BCAS3: variants seen among roughly 807,000 people sequenced by gnomAD.
BCAS3 encodes BCAS4/BCAS3 fusion.
BCAS3 carries 53 observed loss-of-function variants against 116.1 expected under a neutral mutation model. The observed-to-expected ratio is 0.46, with a 90% CI of 0.37 to 0.57. BCAS3 has a LOEUF of 0.57. BCAS3 is among the 20% of genes least tolerant of loss of function. The pLI, the probability that BCAS3 is intolerant of heterozygous loss-of-function variation, is 0.00. For missense variants in BCAS3, 917 were observed against 1,165.4 expected (o/e 0.79, Z 3.10); for synonymous variants, 391 against 408.2 (o/e 0.96, Z 0.51).
chr17:60,690,750 G>A (rs972062753), intron 4 of BCAS3, among the ~76,000 whole-genome samples: 6 of 151,508 alleles, frequency 4.0e-5, no homozygotes, highest in Admixed American at 2.6e-4. Context: ...GTGAAACCTC[G>A]TCTCTACTAA....
chr17:60,938,373 A>G (rs893939110), intron 13 of BCAS3, among the ~76,000 whole-genome samples: 2 of 152,212 alleles, frequency 1.3e-5, no homozygotes, highest in Non-Finnish European at 2.9e-5. Context: ...CAGAACAGTC[A>G]TTTGATTTTT....
At chr17:61,331,685 C>G (rs1316942877) in intron 22 of BCAS3, among the ~76,000 whole-genome samples, 3 of 152,156 alleles carry the variant, frequency 2.0e-5, no homozygotes, top group Non-Finnish European at 2.9e-5. Flanking sequence ...GAAAAAGGTT[C>G]AAATAATATA....
At position 61,365,723 on chromosome 17, in the gene BCAS3, AG is replaced by A. The variant is rs1354499425; in HGVS notation, c.2426-2603del. On this transcript the variant is annotated intron_variant, in intron 22 of 23. Coordinates refer to ENST00000407086, the MANE Select transcript of BCAS3 (RefSeq NM_017679.5). The surrounding 1 kb of genome is among the most constrained non-coding windows in gnomAD (Gnocchi z 4.6). The stretch of plus-strand genomic sequence containing the variant: ...CCCACCTGCCTTGACCTCTGAACAC[AG>A]TAATGCAAACATTAACTGAGCTCCT... 1.3e-5 allele frequency among the ~76,000 whole-genome samples: 2 copies of A among 152,190 alleles called. No individual in the cohort carries two copies. The highest frequency in any genetic ancestry group is 4.8e-5 in the African/African-American group (2 of 41,438).
intron 5 of BCAS3, among the ~76,000 whole-genome samples, chr17:60,741,637 T>C (rs1205551832): frequency 6.6e-6 from 1 of 152,222 alleles, no homozygotes; most frequent in Non-Finnish European, 1.5e-5. Flanking sequence ...GAGACTGATT[T>C]ATGCATTTCA....
Position 60,990,147 on chromosome 17 carries a change from G to C in BCAS3, c.1398G>C (p.Glu466Asp). The change falls in exon 15 of 24, where the codon GAG (glutamate) becomes GAC (aspartate). Residue 466 changes from glutamate to aspartate, a missense_variant. Physicochemically the swap from Glu to Asp is conservative, Grantham distance 45. Around this residue, in one of 3 missense-constraint regions of BCAS3, gnomAD observed 807 missense variants for 1,026.0 expected, o/e 0.79. Transcript: ENST00000407086. This position sits in a 1 kb window ranked among gnomAD's most constrained non-coding sequence, Gnocchi z 5.1. Reference sequence around the variant, plus strand: ...TCCAGAAAAGTGCTGGACTGGAAGAGATTGAACAAGAACTGACGTCTAAGC... The same window carrying C: ...TCCAGAAAAGTGCTGGACTGGAAGACATTGAACAAGAACTGACGTCTAAGC... ...SRFQKSAGLE[E>D]IEQELTSKQG... The C allele has an allele frequency of 6.2e-7, 1 of 1,614,224 alleles. No homozygotes were observed. Among genetic ancestry groups the C allele is most frequent in the Non-Finnish European group, 8.5e-7 (1 of 1,180,032 alleles).
chr17:61,081,305 C>T (rs914060026), intron 21 of BCAS3, among the ~76,000 whole-genome samples: 2 of 152,074 alleles, frequency 1.3e-5, no homozygotes, highest in South Asian at 2.1e-4. Flanking sequence ...CCCATTGTTT[C>T]GTGGCCTCCT....
intron 22 of BCAS3, among the ~76,000 whole-genome samples, chr17:61,319,889 A>AT (rs1263875261): frequency 9.7e-4 from 121 of 125,282 alleles, no homozygotes; most frequent in African/African-American, 3.9e-3. Flanking sequence ...TCTTTTTTTT[A>AT]TTTTTTATTT....
rs747752036 is a variant in BCAS3 at position 61,156,049 on chromosome 17, G to A, written c.2425+71485G>A. On this transcript the variant is annotated intron_variant, in intron 22 of 23. Coordinates refer to ENST00000407086, the MANE Select transcript of BCAS3 (RefSeq NM_017679.5). The surrounding 1 kb of genome is among the most constrained non-coding windows in gnomAD (Gnocchi z 4.7). Reference sequence around the variant, plus strand: ...TGACTTAAATGACTTTTCCCAACAAGCTCACCAGGCATTCAAAGGAAGAAA... The same window carrying A: ...TGACTTAAATGACTTTTCCCAACAAACTCACCAGGCATTCAAAGGAAGAAA... Among the ~76,000 whole-genome samples, 4 of 151,716 alleles carry A rather than the reference G, an allele frequency of 2.6e-5. No homozygotes were observed. The highest frequency in any genetic ancestry group is 4.4e-5 in the Non-Finnish European group (3 of 67,954).
intron 5 of BCAS3, among the ~76,000 whole-genome samples, chr17:60,746,590 A>G (rs888519464): frequency 6.6e-6 from 1 of 152,164 alleles, no homozygotes; most frequent in African/African-American, 2.4e-5. Flanking sequence ...TTGTATATAT[A>G]TATAGAATTT....
At chr17:61,295,566 C>T (rs968009883) in intron 22 of BCAS3, among the ~76,000 whole-genome samples, 1 of 152,128 alleles carries the variant, frequency 6.6e-6, no homozygotes, top group African/African-American at 2.4e-5. Context: ...TTCCTTTGTT[C>T]AGGTATTTAC....
intron 22 of BCAS3, among the ~76,000 whole-genome samples, chr17:61,232,469 T>C (rs1471018718): frequency 6.6e-6 from 1 of 152,138 alleles, no homozygotes; most frequent in African/African-American, 2.4e-5. Flanking sequence ...TTCTTTTGTA[T>C]ACAGAGAAAC....
chr17:60,709,073 C>CT, intron 4 of BCAS3, 146 bp from the exon 5 acceptor site: 1 of 523,238 alleles, frequency 1.9e-6, no homozygotes, highest in Non-Finnish European at 3.4e-6. Context: ...GGATGGACAA[C>CT]TTTGAGAATT....
rs1008795497 is a variant in BCAS3, at chr17:61,313,624, G to A, written c.2426-54703G>A. On this transcript the variant is annotated intron_variant, in intron 22 of 23. Transcript: ENST00000407086. The surrounding 1 kb of genome is among the most constrained non-coding windows in gnomAD (Gnocchi z 4.3). The stretch of plus-strand genomic sequence containing the variant: ...CAGAGCTTGGACTCGGGTCCAGCTC[G>A]GCGTCCTCCCTCGGGTCCTGCTCGC... 5.3e-5 allele frequency among the ~76,000 whole-genome samples: 8 copies of A among 152,184 alleles called. No individual in the cohort carries two copies. Among genetic ancestry groups the A allele is most frequent in the African/African-American group, 1.9e-4 (8 of 41,446 alleles).
Position 60,682,405 on chromosome 17 carries a change from G to A in BCAS3, c.84-1577G>A, listed in dbSNP as rs556163845. 1.1e-4 allele frequency among the ~76,000 whole-genome samples: 16 copies of A among 152,234 alleles called. No homozygotes were observed. In the South Asian group the frequency reaches 3.3e-3, roughly 32 times the overall value. ...ATAATTTTCTTTTTTAGGCCTAATC[G>A]ATTTTTGTAGGTCTCTAGGGCATAT... On this transcript the variant is annotated intron_variant, in intron 2 of 23. Transcript: ENST00000407086.
intron 6 of BCAS3, among the ~76,000 whole-genome samples, chr17:60,770,888 C>T (rs192995489): frequency 4.2e-5 from 5 of 119,996 alleles, no homozygotes; most frequent in East Asian, 6.0e-4. Flanking sequence ...CACTCTGTCA[C>T]GCAGGCTGGA....
intron 14 of BCAS3, among the ~76,000 whole-genome samples, chr17:60,954,988 G>A (rs1049952930): frequency 6.6e-6 from 1 of 151,780 alleles, no homozygotes; most frequent in African/African-American, 2.4e-5. Flanking sequence ...TCCTTATCTA[G>A]GTGGAATCAA....
At chr17:60,733,804 G>A (rs1027708423) in intron 5 of BCAS3, among the ~76,000 whole-genome samples, 7 of 152,060 alleles carry the variant, frequency 4.6e-5, no homozygotes, top group African/African-American at 1.2e-4. Flanking sequence ...CATTGATCAC[G>A]CCACTGCACT....
At chr17:61,319,577 A>G (rs1199754792) in intron 22 of BCAS3, among the ~76,000 whole-genome samples, 1 of 151,468 alleles carries the variant, frequency 6.6e-6, no homozygotes, top group Non-Finnish European at 1.5e-5. Context: ...TTTTTTTTCA[A>G]TATATCACGA....
intron 5 of BCAS3, among the ~76,000 whole-genome samples, chr17:60,722,365 G>T (rs1340339082): frequency 1.3e-5 from 2 of 152,182 alleles, no homozygotes; most frequent in Non-Finnish European, 2.9e-5. Context: ...TTATGTGGAA[G>T]TTCTGTTTGT....
Sources: allele counts gnomAD v4.1 joint callset (sites outside exome capture counted in the v4.1 genomes callset), GRCh38; gene constraint gnomAD v4.1.1; regional missense constraint gnomAD v4.1.1; non-coding constraint Gnocchi (gnomAD v3.1); transcripts MANE v1.5; gene names NCBI Gene and HGNC (gene_info 2026-07-23, HGNC 2026-07-21).